KCP: variants seen among roughly 807,000 people sequenced by gnomAD.
The protein encoded by KCP is kielin cysteine rich BMP regulator.
Under a neutral mutation model 212.7 loss-of-function variants are expected in KCP, and 194 were observed. The ratio of observed to expected loss-of-function variants is 0.91; its 90% confidence interval spans 0.81 to 1.03. The LOEUF is 1.03. Ranked by LOEUF, KCP falls within the 50% of genes least tolerant of loss-of-function variation. KCP has a pLI of 0.00. For missense variants in KCP, 2,080 were observed against 2,162.5 expected, an observed-to-expected ratio of 0.96 and a Z score of 0.76; for synonymous variants, 833 against 865.3, an observed-to-expected ratio of 0.96 and a Z score of 0.65.
chr7:128,907,031 C>A, intron 4 of KCP, 70 bp downstream of exon 4: 1 of 1,429,324 alleles, frequency 7.0e-7, no homozygotes, highest in South Asian at 1.3e-5. Flanking sequence ...TTGAGTGCCA[C>A]GCTGCAGTGA....
Position 128,908,486 on chromosome 7 carries a change from C to G in KCP, c.159G>C (p.Trp53Cys). The G allele has an allele frequency of 6.4e-7, 1 of 1,551,978 alleles. No individual in the cohort carries two copies. The change falls in exon 2 of 40, where the codon TGG becomes TGC. Residue 53 changes from tryptophan (W) to cysteine (C), a missense_variant. Transcript: ENST00000610776. Reference sequence around the variant, plus strand: ...GCCCCAGCCACTCTCGCAGGGGGTGCCACTGCTCCTGGGAGTTCCCAGCAA... The same window carrying G: ...GCCCCAGCCACTCTCGCAGGGGGTGGCACTGCTCCTGGGAGTTCCCAGCAA... ...SVLAGNSQEQ[W>C]HPLREWLGRL...
intron 13 of KCP, 33 bp from the exon 14 acceptor site, chr7:128,893,054 C>A (rs1465595132): frequency 1.2e-6 from 1 of 868,318 alleles, no homozygotes; most frequent in Non-Finnish European, 1.9e-6. Context: ...TGGCAGCCTA[C>A]ACACCTCCCA....
At chr7:128,902,140 C>T (rs1794886537) in intron 8 of KCP, among the ~76,000 whole-genome samples, 1 of 152,228 alleles carries the variant, frequency 6.6e-6, no homozygotes, top group Non-Finnish European at 1.5e-5. Context: ...AGTGATCCTC[C>T]TGCCTCAGCC....
In KCP at chr7:128,883,999, C is replaced by T; in HGVS notation, c.3244+3G>A. 1 of 1,548,410 alleles carries T rather than the reference C, an allele frequency of 6.5e-7. No homozygotes were observed. The highest frequency in any genetic ancestry group is 1.2e-5 in the South Asian group (1 of 83,898). On this transcript the variant is annotated splice_donor_region_variant and intron_variant, in intron 29 of 39. Coordinates refer to ENST00000610776, the MANE Select transcript of KCP (RefSeq NM_001366122.1). ...TCATCTACCCCCACATCCCTGGACT[C>T]ACCGGCACAGGTGGGACAGCAGTGC...
rs1793564550 is a variant in KCP at position 128,885,096 on chromosome 7, C to T, written c.3040+1G>A. 2.6e-6 allele frequency: 4 copies of T among 1,550,660 alleles called. No individual in the cohort carries two copies. The South Asian group carries it at 4.8e-5, about 18-fold the overall frequency. On this transcript the variant is annotated splice_donor_variant, in intron 27 of 39. Transcript: ENST00000610776. LOFTEE classifies it high-confidence loss of function. ...CCCCTCCCGCCCCAGGCTTCCAGTA[C>T]CAGAGCATTGAGGACAGCAGTCATG...
intron 5 of KCP, chr7:128,904,441 T>A: frequency 8.1e-7 from 1 of 1,239,624 alleles, no homozygotes; most frequent in Non-Finnish European, 1.1e-6. Context: ...TTTCTCTCTC[T>A]CCTGCTCTCC....
rs191868312 is a variant in KCP, at chr7:128,908,759, C to T, written c.77-191G>A. ...AACGCAGGGGAAGGCCACAGACATGCGCCAGGTGGAGCTGCTTTCAGGGGT... is the reference window on the plus strand; with the variant it reads ...AACGCAGGGGAAGGCCACAGACATGTGCCAGGTGGAGCTGCTTTCAGGGGT... On this transcript the variant is annotated intron_variant, in intron 1 of 39. Transcript: ENST00000610776. Among the ~76,000 whole-genome samples the T allele has an allele frequency of 1.5e-4, 23 of 152,366 alleles. No homozygotes were observed. The East Asian group carries it at 2.5e-3, about 17-fold the overall frequency.
chr7:128,886,450 A>G lies in KCP; in HGVS notation c.2866+14T>C, dbSNP rs1793649124. On this transcript the variant is annotated intron_variant, in intron 26 of 39. Transcript: ENST00000610776. Reference sequence around the variant, plus strand: ...AGGGGCTGAAGCAAGGGGTAGGGCTACAGGCGGCCATACCTCTGCAGCGAG... The same window carrying G: ...AGGGGCTGAAGCAAGGGGTAGGGCTGCAGGCGGCCATACCTCTGCAGCGAG... The G allele has an allele frequency of 1.3e-6, 2 of 1,539,168 alleles. No homozygotes were observed. Among genetic ancestry groups the G allele is most frequent in the Non-Finnish European group, 1.8e-6 (2 of 1,139,172 alleles).
intron 36 of KCP, 47 bp downstream of exon 36, chr7:128,879,671 G>A (rs1442395282): frequency 1.3e-6 from 2 of 1,548,508 alleles, no homozygotes; most frequent in Admixed American, 2.0e-5. Flanking sequence ...AGGCACATGG[G>A]TGGACAGCAC....
intron 5 of KCP, 107 bp from the exon 6 acceptor site, chr7:128,904,245 A>AG: frequency 6.5e-7 from 1 of 1,537,976 alleles, no homozygotes; most frequent in Non-Finnish European, 8.8e-7. Flanking sequence ...TTGGGGTTGA[A>AG]GGGATGGCGG....
chr7:128,892,609 T>A lies in KCP; in HGVS notation c.1528-2A>T. On this transcript the variant is annotated splice_acceptor_variant, in intron 15 of 39. Coordinates refer to ENST00000610776, the MANE Select transcript of KCP (RefSeq NM_001366122.1). LOFTEE classifies it high-confidence loss of function. ...CAAGGAGCATGTCACAGTTCCATCC[T>A]GCGAGAGAGCAGGGGAGAGAGCAAT... The A allele has an allele frequency of 6.4e-7, 1 of 1,551,122 alleles. No individual in the cohort carries two copies.
At position 128,880,028 on chromosome 7, in the gene KCP, C is replaced by T. The variant is rs981565611; in HGVS notation, c.3817G>A (p.Ala1273Thr). 9.7e-6 allele frequency: 15 copies of T among 1,549,080 alleles called. No homozygotes were observed. Among genetic ancestry groups the T allele is most frequent in the African/African-American group, 1.4e-5 (1 of 73,012 alleles). ...SCCPRCLPRP[A>T]SCMAFGDPHY... ...GGGTCTCCGAAGGCCATGCAGGAAG[C>T]GGGCCGAGGCAGGCAGCGGGGGCAG... The change falls in exon 35 of 40, where the codon GCT becomes ACT. Residue 1273 changes from alanine (A) to threonine (T), a missense_variant. Physicochemically the swap from Ala to Thr is moderately conservative, Grantham distance 58 (BLOSUM62 0). Coordinates refer to ENST00000610776, the MANE Select transcript of KCP (RefSeq NM_001366122.1).
chr7:128,881,835 G>A (rs1439890274), intron 30 of KCP, 102 bp downstream of exon 30: 15 of 1,377,770 alleles, frequency 1.1e-5, no homozygotes, highest in African/African-American at 1.5e-5. Flanking sequence ...ATGTCAGGGC[G>A]AATGGAGAGC....
chr7:128,878,777 C>G, intron 37 of KCP, 55 bp from the exon 38 acceptor site: 1 of 1,505,070 alleles, frequency 6.6e-7, no homozygotes, highest in Non-Finnish European at 8.9e-7. Flanking sequence ...CCTTAAGAAG[C>G]CCAGGGTCCA....
At chr7:128,881,575 T>C (rs1585196748) in intron 31 of KCP, 51 bp downstream of exon 31, 1 of 1,320,848 alleles carries the variant, frequency 7.6e-7, no homozygotes, top group Non-Finnish European at 1.0e-6. Flanking sequence ...CCCCTTCCTG[T>C]GTTCCCCCTG....
intron 8 of KCP, among the ~76,000 whole-genome samples, chr7:128,898,299 G>A (rs1052753066): frequency 1.3e-5 from 2 of 152,144 alleles, no homozygotes; most frequent in Non-Finnish European, 2.9e-5. Flanking sequence ...CAAGTGATCT[G>A]CCCACCTTGG....
chr7:128,906,962 A>T (rs1295275655), intron 4 of KCP, 139 bp downstream of exon 4: 6 of 826,852 alleles, frequency 7.3e-6, no homozygotes, highest in Non-Finnish European at 1.1e-5. Context: ...ACTCGGAATC[A>T]ACTGAAAGCC....
chr7:128,886,739 TGTGGGG>T lies in KCP; in HGVS notation c.2690-8_2690-3del. The T allele has an allele frequency of 6.4e-7, 1 of 1,551,350 alleles. No homozygotes were observed. Among genetic ancestry groups the T allele is most frequent in the African/African-American group, 1.4e-5 (1 of 73,108 alleles). ...GCTCCCGGCCCTGAGAGAGACAGCC[TGTGGGG>T]GACACACCTCCTGGGTGGGGGGCCT... On this transcript the variant is annotated splice_polypyrimidine_tract_variant and splice_region_variant and intron_variant, in intron 24 of 39. Coordinates refer to ENST00000610776, the MANE Select transcript of KCP (RefSeq NM_001366122.1).
At chr7:128,902,999 T>A in intron 7 of KCP, 140 bp from the exon 8 acceptor site, 1 of 668,776 alleles carries the variant, frequency 1.5e-6, no homozygotes, top group Non-Finnish European at 2.6e-6. Flanking sequence ...GATCTCTGCC[T>A]AGATTCCCCA....
Sources: allele counts gnomAD v4.1 joint callset (sites outside exome capture counted in the v4.1 genomes callset), GRCh38; gene constraint gnomAD v4.1.1; transcripts MANE v1.5; gene names NCBI Gene and HGNC (gene_info 2026-07-23, HGNC 2026-07-21).